The following KAT6A variants were observed in gnomAD, a reference collection of about 807,000 sequenced individuals.
KAT6A encodes the protein lysine acetyltransferase 6A, also known as histone acetyltransferase KAT6A.
In KAT6A, 9 loss-of-function variants were observed where a neutral mutation model predicts 198.4. The observed-to-expected ratio is 0.05, with a 90% CI of 0.03 to 0.08. The LOEUF (loss-of-function observed/expected upper bound fraction) is 0.08, where lower values mean the gene tolerates loss of function less well. KAT6A is among the 10% of genes least tolerant of loss of function. KAT6A has a pLI of 1.00. For synonymous variants in KAT6A, 890 were observed against 883.0 expected, an observed-to-expected ratio of 1.01 and a Z score of -0.14; for missense variants, 2,077 against 2,509.9, an observed-to-expected ratio of 0.83 and a Z score of 3.69.
chr8:42,032,871 C>CTTTTTTTTTTTTTTTT (rs1163323345), intron 2 of KAT6A, among the ~76,000 whole-genome samples: 1 of 76,518 alleles, frequency 1.3e-5, no homozygotes, highest in Non-Finnish European at 2.4e-5. Context: ...AAAACCTTGG[C>CTTTTTTTTTTTTTTTT]TTTTTTTTTT....
At chr8:41,989,521 A>ATAACG (rs1044765733) in intron 2 of KAT6A, among the ~76,000 whole-genome samples, 7 of 137,902 alleles carry the variant, frequency 5.1e-5, no homozygotes, top group Non-Finnish European at 9.5e-5. Context: ...GAAAAATAAC[A>ATAACG]TAACGTAACG....
rs1236026802 is a variant in KAT6A at position 41,931,700 on chromosome 8, C to A, written c.*505G>T. The A allele has an allele frequency of 1.1e-5, 2 of 190,360 alleles. No individual in the cohort carries two copies. Among genetic ancestry groups the A allele is most frequent in the East Asian group, 8.4e-5 (1 of 11,944 alleles). The allele number at this position is 190,360 out of a possible 1,614,324, so 11.8% of individuals were successfully genotyped here. ...CTTGGGTTGTTCTCCATGTCCCCAT[C>A]CGAGTCTCCCCTAAGTGCCTCCTGC... On this transcript the variant is annotated 3_prime_UTR_variant, in exon 17 of 17. Transcript: ENST00000265713.
At chr8:41,947,021 G>A (rs993397949) in intron 11 of KAT6A, among the ~76,000 whole-genome samples, 2 of 152,210 alleles carry the variant, frequency 1.3e-5, no homozygotes, top group African/African-American at 4.8e-5. Flanking sequence ...ATGAATCAGT[G>A]TGCCACTCTA....
chr8:41,933,146 G>T lies in KAT6A; in HGVS notation c.5074C>A (p.Pro1692Thr). Residue 1692 changes from proline (P) to threonine (T), a missense_variant, in exon 17 of 17, where the codon CCC (proline) becomes ACC (threonine). Pro to Thr is a conservative substitution (Grantham distance 38, BLOSUM62 -1). Around this residue, in one of 13 missense-constraint regions of KAT6A, gnomAD observed 500 missense variants for 577.2 expected, o/e 0.87. Transcript: ENST00000265713. The surrounding 1 kb of genome is among the most constrained non-coding windows in gnomAD (Gnocchi z 6.2). ...GGCTGCTGCTGGGGAGGGGGTGGGG[G>T]TGGAGGCTGCTGGGGCTGAGGCTGC... ...QPQPQPQQPP[P>T]PPPPQQQPPL... 6.2e-7 allele frequency: 1 copy of T among 1,604,278 alleles called. No homozygotes were observed.
At chr8:42,002,142 G>A (rs1296309024) in intron 2 of KAT6A, among the ~76,000 whole-genome samples, 1 of 151,992 alleles carries the variant, frequency 6.6e-6, no homozygotes. Context: ...CTGTCCTATG[G>A]GGAAGGTAAT....
intron 2 of KAT6A, among the ~76,000 whole-genome samples, chr8:42,002,072 A>G (rs1332315389): frequency 1.3e-5 from 2 of 152,198 alleles, no homozygotes; most frequent in African/African-American, 4.8e-5. Context: ...TCTACTGAGA[A>G]CTTAATCACA....
chr8:41,974,080 ATTT>A (rs796541449), intron 8 of KAT6A, among the ~76,000 whole-genome samples: 2 of 146,404 alleles, frequency 1.4e-5, no homozygotes, highest in Non-Finnish European at 3.0e-5. Context: ...AAGAATTGCA[ATTT>A]TTTTTTTTTT....
intron 8 of KAT6A, among the ~76,000 whole-genome samples, chr8:41,970,021 C>T (rs529981443): frequency 6.6e-6 from 1 of 152,148 alleles, no homozygotes; most frequent in Admixed American, 6.6e-5. Flanking sequence ...TAGCCCAGCC[C>T]GTCAGAACCC....
Position 41,953,346 on chromosome 8 carries a change from CAT to C in KAT6A, c.1598+1948_1598+1949del, listed in dbSNP as rs1822759599. On this transcript the variant is annotated intron_variant, in intron 9 of 16. Coordinates refer to ENST00000265713, the MANE Select transcript of KAT6A (RefSeq NM_006766.5). ...TATAGTCTCCGGAACAGTTGACAGA[CAT>C]GTGGAAAAGCTTTCTTTTCTAAGTT... Among the ~76,000 whole-genome samples the C allele has an allele frequency of 2.0e-5, 3 of 152,302 alleles. No homozygotes were observed. The South Asian group carries it at 6.2e-4, about 32-fold the overall frequency.
intron 2 of KAT6A, among the ~76,000 whole-genome samples, chr8:42,026,522 G>C (rs1826822364): frequency 6.6e-6 from 1 of 152,032 alleles, no homozygotes; most frequent in Non-Finnish European, 1.5e-5. Flanking sequence ...TTGTGTGATT[G>C]TCTTGGTAGC....
At chr8:41,999,682 T>A (rs1825389674) in intron 2 of KAT6A, among the ~76,000 whole-genome samples, 1 of 152,236 alleles carries the variant, frequency 6.6e-6, no homozygotes, top group Non-Finnish European at 1.5e-5. Flanking sequence ...AATCTACTCA[T>A]TCATCTTCAG....
At chr8:41,941,505 C>G (rs1822134721) in intron 14 of KAT6A, 61 bp from the exon 15 acceptor site, 1 of 1,485,380 alleles carries the variant, frequency 6.7e-7, no homozygotes, top group Non-Finnish European at 8.9e-7. Context: ...TTACATTTAC[C>G]TATTCTGACC....
rs528142286 is a variant in KAT6A, at chr8:41,931,927, A to C, written c.*278T>G. ...GAAAGTAAGGCTCTTTTTAATTATG[A>C]AAAGATTTTGTGCATGTTTCCCCAT... On this transcript the variant is annotated 3_prime_UTR_variant, in exon 17 of 17. Coordinates refer to ENST00000265713, the MANE Select transcript of KAT6A (RefSeq NM_006766.5). 5 of 294,516 alleles carry C rather than the reference A, an allele frequency of 1.7e-5. No homozygotes were observed. In the Admixed American group the frequency reaches 2.5e-4, roughly 15 times the overall value. 18.2% of individuals were successfully genotyped at this position (294,516 alleles called of 1,614,324 possible). A position where few individuals can be genotyped will look rare whatever the true frequency, so the allele number is the denominator to read the frequency against.
chr8:42,008,996 A>G (rs1021593837), intron 2 of KAT6A, among the ~76,000 whole-genome samples: 5 of 152,246 alleles, frequency 3.3e-5, no homozygotes, highest in Admixed American at 2.0e-4. Context: ...ACTCTACAGT[A>G]AATGACTCTG....
At chr8:41,995,054 C>T (rs1825128670) in intron 2 of KAT6A, among the ~76,000 whole-genome samples, 1 of 131,972 alleles carries the variant, frequency 7.6e-6, no homozygotes. Context: ...GAGACTCCAT[C>T]TCAAAAAAAA....
At chr8:41,938,944 T>C (rs573199108) in intron 15 of KAT6A, among the ~76,000 whole-genome samples, 1 of 104,406 alleles carries the variant, frequency 9.6e-6, no homozygotes, top group South Asian at 3.1e-4. Context: ...TAAGACCCCA[T>C]CTGGGGAAGG....
intron 7 of KAT6A, among the ~76,000 whole-genome samples, chr8:41,975,588 C>A (rs973879170): frequency 6.6e-6 from 1 of 152,084 alleles, no homozygotes; most frequent in African/African-American, 2.4e-5. Flanking sequence ...GTCAAGGACT[C>A]ACTGTTGACA....
chr8:42,024,892 G>A (rs974288594), intron 2 of KAT6A, among the ~76,000 whole-genome samples: 1 of 152,066 alleles, frequency 6.6e-6, no homozygotes, highest in Non-Finnish European at 1.5e-5. Flanking sequence ...ATTGTGAATG[G>A]TGTTGCAATA....
chr8:42,016,565 C>T (rs770294574), intron 2 of KAT6A, among the ~76,000 whole-genome samples: 3 of 152,124 alleles, frequency 2.0e-5, no homozygotes, highest in Non-Finnish European at 4.4e-5. Flanking sequence ...GAGAGATTAA[C>T]AGTTGTAAAT....
Sources: gnomAD v4.1 joint callset for allele counts (sites outside exome capture counted in the v4.1 genomes callset) on GRCh38, gnomAD v4.1.1 for gene constraint, gnomAD v4.1.1 regional missense constraint, Gnocchi (gnomAD v3.1) non-coding constraint, MANE v1.5 for transcripts, NCBI Gene and HGNC (gene_info 2026-07-23, HGNC 2026-07-21) for gene names.